PALLD: variants seen among roughly 807,000 people sequenced by gnomAD.
PALLD encodes palladin.
In PALLD, 61 loss-of-function variants were observed where a neutral mutation model predicts 123.5. The ratio of observed to expected loss-of-function variants is 0.49; its 90% CI spans 0.40 to 0.61. PALLD has a LOEUF of 0.61. PALLD is among the 20% of genes least tolerant of loss of function. PALLD has a pLI of 0.00. For synonymous variants in PALLD, 465 were observed against 496.4 expected (o/e 0.94, Z 0.84); for missense variants, 1,273 against 1,377.0 (o/e 0.92, Z 1.20).
intron 2 of PALLD, among the ~76,000 whole-genome samples, chr4:168,597,101 T>C (rs1202960185): frequency 6.6e-6 from 1 of 152,114 alleles, no homozygotes; most frequent in African/African-American, 2.4e-5. Context: ...ACAGTCAGAA[T>C]TGTCACAGAT....
At chr4:168,785,915 G>A (rs1422840732) in intron 10 of PALLD, among the ~76,000 whole-genome samples, 1 of 139,538 alleles carries the variant, frequency 7.2e-6, no homozygotes, top group Non-Finnish European at 1.6e-5. Flanking sequence ...TGCTGAATTA[G>A]CATCAGAAAG....
At chr4:168,619,906 T>C (rs180730760) in intron 2 of PALLD, among the ~76,000 whole-genome samples, 1 of 152,354 alleles carries the variant, frequency 6.6e-6, no homozygotes, top group African/African-American at 2.4e-5. Context: ...ATAGTTCTCC[T>C]GGCCAATGGT....
intron 10 of PALLD, among the ~76,000 whole-genome samples, chr4:168,828,646 A>G (rs1743756632): frequency 1.3e-5 from 2 of 152,226 alleles, no homozygotes; most frequent in Admixed American, 1.3e-4. Flanking sequence ...ATTGTGAGAA[A>G]AATATGAAAA....
At chr4:168,570,364 T>C (rs1301679127) in intron 2 of PALLD, among the ~76,000 whole-genome samples, 1 of 152,192 alleles carries the variant, frequency 6.6e-6, no homozygotes, top group Non-Finnish European at 1.5e-5. Context: ...AGAAGTGGCA[T>C]GCTTTCTTTC....
In PALLD at chr4:168,659,667, A is replaced by G. The variant is rs1778940956; in HGVS notation, c.909-8523A>G. 3.3e-5 allele frequency among the ~76,000 whole-genome samples: 5 copies of G among 152,348 alleles called. No homozygotes were observed. In the South Asian group the frequency reaches 1.0e-3, roughly 32 times the overall value. On this transcript the variant is annotated intron_variant, in intron 2 of 21. Transcript: ENST00000505667. ...GATTGTTTCCATTAACTGGCTTTTA[A>G]CATTTACCATTTTGCTTAGCAAAGT... is the stretch of plus-strand genomic sequence containing the variant.
chr4:168,623,727 A>G (rs1319812721), intron 2 of PALLD, among the ~76,000 whole-genome samples: 5 of 152,348 alleles, frequency 3.3e-5, no homozygotes, highest in African/African-American at 9.6e-5. Context: ...GGTGAAGTGT[A>G]ATTCAGGCCA....
rs1273497785 is a variant in PALLD at position 168,718,064 on chromosome 4, A to G, written c.1964+6141A>G. Among the ~76,000 whole-genome samples the G allele has an allele frequency of 3.3e-5, 5 of 152,168 alleles. No individual in the cohort carries two copies. The East Asian group carries it at 9.6e-4, about 29-fold the overall frequency. ...CCATCAGATGCCAGACTTGTGGTGA[A>G]GGGCCAAGAGCTTCTGTGCTACTCC... On this transcript the variant is annotated intron_variant, in intron 10 of 21. Transcript: ENST00000505667.
chr4:168,796,099 A>G (rs903267546), intron 10 of PALLD, among the ~76,000 whole-genome samples: 15 of 152,098 alleles, frequency 9.9e-5, no homozygotes, highest in African/African-American at 3.6e-4. Context: ...TTAAGTTCCT[A>G]TTGACTATAG....
chr4:168,686,800 GAATAGCCAGGAT>G (rs1273383063), intron 6 of PALLD: 1 of 152,186 alleles, frequency 6.6e-6, no homozygotes, highest in Non-Finnish European at 1.5e-5. Flanking sequence ...AAGTGGCTAA[GAATAGCCAGGAT>G]ACACCTGAGG....
At chr4:168,798,969 T>C (rs565568995) in intron 10 of PALLD, among the ~76,000 whole-genome samples, 1 of 152,316 alleles carries the variant, frequency 6.6e-6, no homozygotes, top group African/African-American at 2.4e-5. Flanking sequence ...GAACGAATCA[T>C]GAATCGGGCA....
chr4:168,718,529 T>C (rs1785593942), intron 10 of PALLD, among the ~76,000 whole-genome samples: 1 of 152,202 alleles, frequency 6.6e-6, no homozygotes, highest in South Asian at 2.1e-4. Context: ...AGCTAGCCAT[T>C]ACTTTCATTT....
At chr4:168,542,430 T>TA (rs575529444) in intron 2 of PALLD, among the ~76,000 whole-genome samples, 8 of 150,690 alleles carry the variant, frequency 5.3e-5, no homozygotes, top group South Asian at 4.2e-4. Context: ...TAAAATAAAT[T>TA]AAAAAAAAAA....
rs114013237 is a variant in PALLD, at chr4:168,784,426, G to T, written c.1964+72503G>T. 3.2e-4 allele frequency among the ~76,000 whole-genome samples: 49 copies of T among 152,300 alleles called. No homozygotes were observed. In the East Asian group the frequency reaches 7.1e-3, roughly 22 times the overall value. Reference sequence around the variant, plus strand: ...GCCACTGCAGGAGTGAGGAAGCCACGTGGGAGAATTATTTTGTGGGAAAAG... The same window carrying T: ...GCCACTGCAGGAGTGAGGAAGCCACTTGGGAGAATTATTTTGTGGGAAAAG... On this transcript the variant is annotated intron_variant, in intron 10 of 21. Transcript: ENST00000505667.
At chr4:168,778,788 G>A (rs1735513606) in intron 10 of PALLD, among the ~76,000 whole-genome samples, 1 of 152,210 alleles carries the variant, frequency 6.6e-6, no homozygotes, top group Non-Finnish European at 1.5e-5. Flanking sequence ...AAAGGGAAGA[G>A]CCAGCATTTG....
At chr4:168,797,639 C>T (rs954329901) in intron 10 of PALLD, among the ~76,000 whole-genome samples, 6 of 152,192 alleles carry the variant, frequency 3.9e-5, no homozygotes, top group South Asian at 4.2e-4. Context: ...GAAGAAGTGA[C>T]GGTAACACAG....
At chr4:168,813,727 T>C (rs1741506931) in intron 10 of PALLD, among the ~76,000 whole-genome samples, 2 of 152,320 alleles carry the variant, frequency 1.3e-5, no homozygotes, top group East Asian at 3.9e-4. Flanking sequence ...CACCAGTAGC[T>C]GGGATTACAG....
chr4:168,765,752 T>C (rs1259713049), intron 10 of PALLD, among the ~76,000 whole-genome samples: 2 of 152,260 alleles, frequency 1.3e-5, no homozygotes, highest in African/African-American at 4.8e-5. Context: ...CCATACATTC[T>C]TTTAAGTGTA....
intron 2 of PALLD, among the ~76,000 whole-genome samples, chr4:168,553,720 TG>T (rs1465695274): frequency 6.6e-6 from 1 of 152,192 alleles, no homozygotes; most frequent in African/African-American, 2.4e-5. Context: ...GGCCTTGCTT[TG>T]TTTTTTTGGA....
Position 168,844,154 on chromosome 4 carries a change from GTTTT to G in PALLD, c.1965-46765_1965-46762del, listed in dbSNP as rs2150941602. On this transcript the variant is annotated intron_variant, in intron 10 of 21. Coordinates refer to ENST00000505667, the MANE Select transcript of PALLD (RefSeq NM_001166108.2). This position sits in a 1 kb window ranked among gnomAD's most constrained non-coding sequence, Gnocchi z 4.5. ...GCAAATCAAAGAGCTTTGACAGTTTGTTTTTTGTTTGTTTTTATTTGGGTGCAAT... is the reference window on the plus strand; with the variant it reads ...GCAAATCAAAGAGCTTTGACAGTTTGTTGTTTGTTTTTATTTGGGTGCAAT... The G allele has an allele frequency of 6.6e-6, 1 of 152,240 alleles. No homozygotes were observed. The highest frequency in any genetic ancestry group is 1.5e-5 in the Non-Finnish European group (1 of 68,002). The allele number at this position is 152,240 out of a possible 1,614,324, so 9.4% of individuals were successfully genotyped here.
Sources: gnomAD v4.1 joint callset for allele counts (sites outside exome capture counted in the v4.1 genomes callset) on GRCh38, gnomAD v4.1.1 for gene constraint, Gnocchi (gnomAD v3.1) non-coding constraint, MANE v1.5 for transcripts, NCBI Gene and HGNC (gene_info 2026-07-23, HGNC 2026-07-21) for gene names.